TEX9: variants seen among roughly 807,000 people sequenced by gnomAD.
The protein encoded by TEX9 is testis-expressed protein 9.
Under a neutral mutation model 59.6 loss-of-function variants are expected in TEX9, and 74 were observed. The observed-to-expected ratio is 1.24, with a 90% CI of 1.03 to 1.51. The LOEUF (loss-of-function observed/expected upper bound fraction) is 1.51, where lower values mean the gene tolerates loss of function less well. Among genes scored for constraint, TEX9 ranks in the 40% most tolerant of loss-of-function variants. The pLI, the probability that TEX9 is intolerant of heterozygous loss-of-function variation, is 0.00. For missense variants in TEX9, 522 were observed against 447.8 expected, an observed-to-expected ratio of 1.17 and a Z score of -1.49; for synonymous variants, 186 against 152.2, an observed-to-expected ratio of 1.22 and a Z score of -1.64.
intron 1 of TEX9, chr15:56,249,177 G>T (rs1267700716): frequency 2.0e-5 from 3 of 152,128 alleles, no homozygotes; most frequent in Non-Finnish European, 2.9e-5. Flanking sequence ...TGGGTTTTAT[G>T]CTCCTTATAT....
At chr15:56,317,285 A>G (rs4774852) in intron 1 of TEX9, among the ~76,000 whole-genome samples, 56,035 of 152,162 alleles carry the variant, frequency 0.37, 10,650 homozygotes, top group Middle Eastern at 0.52. Flanking sequence ...CTTTCTAGGA[A>G]TATACTCATT....
intron 2 of TEX9, among the ~76,000 whole-genome samples, chr15:56,372,320 C>T (rs1419200440): frequency 2.0e-5 from 3 of 150,978 alleles, no homozygotes; most frequent in African/African-American, 7.3e-5. Context: ...ATCTCCCCCC[C>T]TTTTTTTTTC....
chr15:56,409,113 G>C (rs144351791), intron 9 of TEX9, among the ~76,000 whole-genome samples: 3,726 of 151,950 alleles, frequency 0.025, 85 homozygotes, highest in Admixed American at 0.04. Context: ...GGAGAATGGC[G>C]TGAACCCGGG....
At chr15:56,397,977 T>G (rs758388577) in intron 9 of TEX9, 2 of 152,882 alleles carry the variant, frequency 1.3e-5, no homozygotes, top group Non-Finnish European at 2.9e-5. Flanking sequence ...AACGGACTAA[T>G]ACAACATTCA....
chr15:56,285,815 A>G (rs1358408802), intron 1 of TEX9, among the ~76,000 whole-genome samples: 2 of 152,214 alleles, frequency 1.3e-5, no homozygotes, highest in East Asian at 1.9e-4. Flanking sequence ...AATTATAGGT[A>G]AAACCTCAGT....
intron 9 of TEX9, chr15:56,396,721 G>A (rs2048494952): frequency 6.6e-6 from 1 of 152,026 alleles, no homozygotes; most frequent in South Asian, 2.1e-4. Context: ...TGCTGTTCTT[G>A]TGATGGCGAA....
At chr15:56,400,081 C>T (rs1455997750) in intron 9 of TEX9, among the ~76,000 whole-genome samples, 3 of 152,204 alleles carry the variant, frequency 2.0e-5, no homozygotes, top group Non-Finnish European at 2.9e-5. Context: ...CTCTTCTTCT[C>T]CAAAGAATTG....
intron 1 of TEX9, among the ~76,000 whole-genome samples, chr15:56,245,215 C>T (rs1157377331): frequency 6.6e-6 from 1 of 152,256 alleles, no homozygotes; most frequent in Non-Finnish European, 1.5e-5. Flanking sequence ...TGGCCTGAAA[C>T]CCTCTTGCTT....
chr15:56,426,588 T>G (rs1287090942), intron 10 of TEX9, among the ~76,000 whole-genome samples: 6 of 23,606 alleles, frequency 2.5e-4, no homozygotes, highest in Admixed American at 6.1e-4. Flanking sequence ...TTTGAAAAGG[T>G]GTATATATAT....
intron 1 of TEX9, among the ~76,000 whole-genome samples, chr15:56,291,863 G>A (rs756250349): frequency 7.2e-5 from 11 of 152,118 alleles, no homozygotes; most frequent in Non-Finnish European, 1.3e-4. Flanking sequence ...CACATAACAT[G>A]TCCTATAACA....
chr15:56,355,941 G>T (rs937812743), intron 1 of TEX9, among the ~76,000 whole-genome samples: 35 of 151,962 alleles, frequency 2.3e-4, no homozygotes, highest in Middle Eastern at 3.2e-3. Context: ...TTATAGAATA[G>T]AATTTTATAG....
rs555993747 is a variant in TEX9 at position 56,388,532 on chromosome 15, A to G, written c.312+12A>G. The G allele has an allele frequency of 3.0e-5, 49 of 1,609,144 alleles. No homozygotes were observed. In the Admixed American group the frequency reaches 7.8e-4, roughly 26 times the overall value. On this transcript the variant is annotated intron_variant, in intron 5 of 12. Coordinates refer to ENST00000352903, the Ensembl canonical transcript of TEX9. ...ATTCAGAAACTAAGGTATGAAATCA[A>G]ACTTTCTGTGAATGCAATTATATTC...
chr15:56,398,176 A>G (rs1433019853), intron 9 of TEX9: 1 of 152,220 alleles, frequency 6.6e-6, no homozygotes, highest in African/African-American at 2.4e-5. Context: ...TGCTATAACT[A>G]TAAAGTAAAA....
exon 3 of TEX9, chr15:56,373,496 G>A: frequency 1.3e-6 from 2 of 1,566,200 alleles, no homozygotes; most frequent in Middle Eastern, 1.8e-4. Flanking sequence ...ACAAGCTAAG[G>A]AAATAATAGT....
intron 12 of TEX9, chr15:56,431,378 G>C (rs766540387): frequency 6.2e-7 from 1 of 1,610,182 alleles, no homozygotes; most frequent in African/African-American, 1.3e-5. Context: ...CTTACTTTAG[G>C]GAGATAGCCT....
At chr15:56,377,760 T>G (rs1268974133) in intron 3 of TEX9, among the ~76,000 whole-genome samples, 1 of 152,150 alleles carries the variant, frequency 6.6e-6, no homozygotes, top group Non-Finnish European at 1.5e-5. Flanking sequence ...AGTTAGGACA[T>G]TGAGTACTAT....
At chr15:56,301,490 T>A (rs2045359815) in intron 1 of TEX9, among the ~76,000 whole-genome samples, 1 of 151,892 alleles carries the variant, frequency 6.6e-6, no homozygotes, top group Non-Finnish European at 1.5e-5. Flanking sequence ...AAAAGGTGTT[T>A]AATAATCAAA....
chr15:56,407,782 G>A (rs1391088641), intron 9 of TEX9, among the ~76,000 whole-genome samples: 2 of 152,000 alleles, frequency 1.3e-5, no homozygotes, highest in Non-Finnish European at 2.9e-5. Context: ...TCATGACTTT[G>A]CTTCCTTTTT....
At chr15:56,346,337 A>G (rs1185842953) in intron 1 of TEX9, among the ~76,000 whole-genome samples, 3 of 152,128 alleles carry the variant, frequency 2.0e-5, no homozygotes, top group Non-Finnish European at 1.5e-5. Flanking sequence ...TGCCAGAATA[A>G]AGCTGTGTCT....
Sources: allele counts gnomAD v4.1 joint callset (sites outside exome capture counted in the v4.1 genomes callset), GRCh38; gene constraint gnomAD v4.1.1; transcripts MANE v1.5; gene names NCBI Gene and HGNC (gene_info 2026-07-23, HGNC 2026-07-21).